COPS4: variants seen among roughly 807,000 people sequenced by gnomAD.
The protein encoded by COPS4 is COP9 signalosome complex subunit 4.
Under a neutral mutation model 55.1 loss-of-function variants are expected in COPS4, and 8 were observed. The observed-to-expected ratio is 0.15, with a 90% CI of 0.09 to 0.26. The LOEUF (loss-of-function observed/expected upper bound fraction) is 0.26, where lower values mean the gene tolerates loss of function less well. Among genes scored for constraint, COPS4 ranks in the 10% least tolerant of loss-of-function variants. The probability of loss-of-function intolerance (pLI) is 1.00; values close to 1 mark genes in which losing one functional copy is unlikely to be tolerated. For missense variants in COPS4, 248 were observed against 484.0 expected (o/e 0.51, Z 4.58); for synonymous variants, 185 against 165.7 (o/e 1.12, Z -0.90).
At chr4:83,046,488 TATATTCGCC>T (rs1390107421) in intron 2 of COPS4, among the ~76,000 whole-genome samples, 3 of 152,344 alleles carry the variant, frequency 2.0e-5, no homozygotes, top group East Asian at 1.9e-4. Context: ...CATGCACTTG[TATATTCGCC>T]ATATTGCTAT....
intron 3 of COPS4, 108 bp from the exon 4 acceptor site, chr4:83,049,773 G>A (rs143003537): frequency 8.9e-6 from 6 of 671,410 alleles, no homozygotes; most frequent in African/African-American, 3.7e-5. Context: ...TACTGTTTAC[G>A]TGGCAGCTTA....
In COPS4 at chr4:83,051,859, T is replaced by G. The variant is rs190348749; in HGVS notation, c.410+1875T>G. On this transcript the variant is annotated intron_variant, in intron 4 of 9. Transcript: ENST00000264389. ...CCTGGAGCACTTCAACGTTAAGAGG[T>G]TGGGACCAGGGGAAGATGTAGCAAA... Among the ~76,000 whole-genome samples the G allele has an allele frequency of 2.0e-5, 3 of 152,142 alleles. No homozygotes were observed. In the East Asian group the frequency reaches 5.8e-4, roughly 29 times the overall value.
In COPS4 at chr4:83,059,757, C is replaced by T. The variant is rs969280150; in HGVS notation, c.715+2349C>T. 4.0e-5 allele frequency among the ~76,000 whole-genome samples: 6 copies of T among 151,534 alleles called. No individual in the cohort carries two copies. The East Asian group carries it at 5.8e-4, about 15-fold the overall frequency. On this transcript the variant is annotated intron_variant, in intron 6 of 9. Transcript: ENST00000264389. ...TGTTGCCCAGGCTGGAGTGCAGTGG[C>T]GCGATCTCGGCTCACTGCAAGCTCA...
intron 7 of COPS4, 43 bp from the exon 8 acceptor site, chr4:83,066,395 T>C (rs1731293260): frequency 1.0e-6 from 1 of 999,388 alleles, no homozygotes. Flanking sequence ...TTTTAGAGTA[T>C]AAAACTAGTT....
intron 9 of COPS4, among the ~76,000 whole-genome samples, chr4:83,074,023 T>G (rs930313892): frequency 6.6e-6 from 1 of 152,146 alleles, no homozygotes; most frequent in African/African-American, 2.4e-5. Context: ...TAAATTTTGG[T>G]ACTGTTTTGA....
At chr4:83,055,390 G>T (rs116398290) in intron 4 of COPS4, among the ~76,000 whole-genome samples, 2,722 of 151,182 alleles carry the variant, frequency 0.018, 34 homozygotes, top group Non-Finnish European at 0.028. Flanking sequence ...GTTTTATCCA[G>T]TTTTTTCATT....
Position 83,063,648 on chromosome 4 carries a change from C to A in COPS4, c.886+402C>A, listed in dbSNP as rs1731229521. 1.3e-5 allele frequency among the ~76,000 whole-genome samples: 2 copies of A among 151,106 alleles called. 1 individual carries two copies. The highest frequency in any genetic ancestry group is 4.9e-5 in the African/African-American group (2 of 40,766). ...GGTTTCGATCTCCTGACCTCGTGAT[C>A]CGCCTGCCTCGGCCTCCCAAAGTGC... On this transcript the variant is annotated intron_variant, in intron 7 of 9. Coordinates refer to ENST00000264389, the MANE Select transcript of COPS4 (RefSeq NM_016129.3).
chr4:83,038,833 C>T (rs1341666949), intron 1 of COPS4, among the ~76,000 whole-genome samples: 1 of 152,078 alleles, frequency 6.6e-6, no homozygotes, highest in Non-Finnish European at 1.5e-5. Flanking sequence ...TTAGTAGAGA[C>T]AGGGTTTCAC....
intron 4 of COPS4, among the ~76,000 whole-genome samples, chr4:83,056,189 C>A (rs546469687): frequency 6.6e-6 from 1 of 152,214 alleles, no homozygotes; most frequent in Admixed American, 6.5e-5. Flanking sequence ...GCCTAGGCAT[C>A]CCAAATTGCT....
intron 4 of COPS4, among the ~76,000 whole-genome samples, chr4:83,053,351 T>C (rs1423886125): frequency 6.6e-6 from 1 of 152,130 alleles, no homozygotes; most frequent in African/African-American, 2.4e-5. Context: ...ACAAGGGAGA[T>C]GAGTACCTAT....
intron 7 of COPS4, among the ~76,000 whole-genome samples, chr4:83,065,667 A>T (rs1397069573): frequency 1.3e-5 from 2 of 152,230 alleles, no homozygotes; most frequent in Non-Finnish European, 2.9e-5. Flanking sequence ...GACCTCACTT[A>T]AAAGAGGATT....
intron 4 of COPS4, among the ~76,000 whole-genome samples, chr4:83,052,783 C>T (rs2126130297): frequency 1.3e-5 from 2 of 152,268 alleles, no homozygotes; most frequent in South Asian, 2.1e-4. Context: ...AACGGGGTTT[C>T]ACCATGTTGC....
chr4:83,047,357 C>T (rs1325309057), intron 2 of COPS4, among the ~76,000 whole-genome samples: 1 of 152,100 alleles, frequency 6.6e-6, no homozygotes, highest in Non-Finnish European at 1.5e-5. Flanking sequence ...AGTTCAAAAC[C>T]AGCCTGGGCA....
Position 83,049,167 on chromosome 4 carries a change from G to A in COPS4, c.156G>A (p.Met52Ile), listed in dbSNP as rs1730795362. Reference sequence around the variant, plus strand: ...ATCTTTTTTTTTTTTTTAAACAAGTGGTAAATGAGAATGTCAGTCTCGTGA... The same window carrying A: ...ATCTTTTTTTTTTTTTTAAACAAGTAGTAAATGAGAATGTCAGTCTCGTGA... ...LEALKAFVEA[M>I]VNENVSLVIS... The change falls in exon 3 of 10, where the codon ATG (methionine) becomes ATA (isoleucine). Residue 52 changes from methionine to isoleucine, a missense_variant and splice_region_variant. Coordinates refer to ENST00000264389, the MANE Select transcript of COPS4 (RefSeq NM_016129.3). 1 of 1,588,818 alleles carries A rather than the reference G, an allele frequency of 6.3e-7. No homozygotes were observed. Among genetic ancestry groups the A allele is most frequent in the Non-Finnish European group, 8.5e-7 (1 of 1,172,746 alleles).
At chr4:83,072,733 A>T (rs1288376186) in intron 9 of COPS4, among the ~76,000 whole-genome samples, 1 of 152,196 alleles carries the variant, frequency 6.6e-6, no homozygotes, top group Non-Finnish European at 1.5e-5. Flanking sequence ...GATCTTTGAC[A>T]TATCTGATTA....
At chr4:83,061,712 T>A (rs1030886173) in intron 6 of COPS4, among the ~76,000 whole-genome samples, 10 of 139,918 alleles carry the variant, frequency 7.1e-5, no homozygotes, top group African/African-American at 2.7e-4. Flanking sequence ...AGATTATGTC[T>A]TTTTTTTTTT....
At chr4:83,036,626 C>T (rs1027546942) in intron 1 of COPS4, among the ~76,000 whole-genome samples, 3 of 152,120 alleles carry the variant, frequency 2.0e-5, no homozygotes, top group Non-Finnish European at 4.4e-5. Context: ...ACTTATATCA[C>T]GTAGAACAGT....
At chr4:83,063,949 C>T (rs1328824761) in intron 7 of COPS4, among the ~76,000 whole-genome samples, 1 of 152,176 alleles carries the variant, frequency 6.6e-6, no homozygotes, top group Non-Finnish European at 1.5e-5. Context: ...ATTCGCCCCC[C>T]TCAGCCTCTC....
intron 1 of COPS4, among the ~76,000 whole-genome samples, chr4:83,040,171 C>T (rs1396386146): frequency 6.6e-6 from 1 of 152,134 alleles, no homozygotes; most frequent in Non-Finnish European, 1.5e-5. Context: ...TATTTTTTAG[C>T]TCTGTAATTT....
Sources: gnomAD v4.1 joint callset for allele counts (sites outside exome capture counted in the v4.1 genomes callset) on GRCh38, gnomAD v4.1.1 for gene constraint, MANE v1.5 for transcripts, NCBI Gene and HGNC (gene_info 2026-07-23, HGNC 2026-07-21) for gene names.